SFMBT2: variants seen among roughly 807,000 people sequenced by gnomAD.
SFMBT2 encodes the protein Scm like with four mbt domains 2.
Under a neutral mutation model 110.1 loss-of-function variants are expected in SFMBT2, and 38 were observed. That is an observed-to-expected ratio of 0.35 (90% CI 0.27 to 0.45). The LOEUF is 0.45. Ranked by LOEUF, SFMBT2 falls within the 20% of genes least tolerant of loss-of-function variation. The pLI is 1.00. For synonymous variants in SFMBT2, 425 were observed against 425.4 expected (o/e 1.00, Z 0.01); for missense variants, 1,011 against 1,094.9 (o/e 0.92, Z 1.08).
intron 4 of SFMBT2, among the ~76,000 whole-genome samples, chr10:7,352,036 G>A (rs995258878): frequency 4.6e-5 from 7 of 151,986 alleles, no homozygotes; most frequent in South Asian, 2.1e-4. Flanking sequence ...TTCTGAAGTC[G>A]CTTTTTTCTG....
At position 7,200,317 on chromosome 10, in the gene SFMBT2, T is replaced by C. The variant is rs1588795667; in HGVS notation, c.1558+97A>G. On this transcript the variant is annotated intron_variant, in intron 14 of 20. Coordinates refer to ENST00000397167, the MANE Select transcript of SFMBT2 (RefSeq NM_001387889.1). The stretch of plus-strand genomic sequence containing the variant: ...GGAGAAAAACAGAATAGGCTCAACG[T>C]TGAGATGTATTCATATCGACCTAGA... The C allele has an allele frequency of 9.6e-6, 9 of 939,644 alleles. No homozygotes were observed. In the East Asian group the frequency reaches 2.0e-4, roughly 21 times the overall value. The allele number at this position is 939,644 out of a possible 1,614,324, so 58.2% of individuals were successfully genotyped here.
intron 4 of SFMBT2, among the ~76,000 whole-genome samples, chr10:7,330,359 T>C (rs1843527045): frequency 6.6e-6 from 1 of 152,170 alleles, no homozygotes; most frequent in African/African-American, 2.4e-5. Flanking sequence ...CACAACCCCA[T>C]AACTAATCTG....
At chr10:7,164,171 G>A in intron 20 of SFMBT2, 1 of 950,540 alleles carries the variant, frequency 1.1e-6, no homozygotes. Flanking sequence ...AGGATCGCTT[G>A]AGACCAGGAG....
chr10:7,282,820 A>C (rs1177996578), intron 6 of SFMBT2, among the ~76,000 whole-genome samples: 1 of 152,230 alleles, frequency 6.6e-6, no homozygotes, highest in Non-Finnish European at 1.5e-5. Context: ...GATTTTAATA[A>C]AGCAAAGAGC....
intron 1 of SFMBT2, among the ~76,000 whole-genome samples, chr10:7,392,618 G>A (rs77943453): frequency 0.02 from 3,079 of 152,238 alleles, 54 homozygotes; most frequent in Non-Finnish European, 0.028. Context: ...ATCTGTGATG[G>A]ATTTTTAAGA....
chr10:7,164,798 A>G (rs985890786), intron 20 of SFMBT2, among the ~76,000 whole-genome samples: 5 of 149,032 alleles, frequency 3.4e-5, no homozygotes, highest in Admixed American at 1.3e-4. Context: ...CACACCATTT[A>G]CAGACACACA....
Position 7,171,620 on chromosome 10 carries a change from G to A in SFMBT2, c.2415+275C>T. 1.0e-6 allele frequency: 1 copy of A among 964,164 alleles called. No homozygotes were observed. Among genetic ancestry groups the A allele is most frequent in the African/African-American group, 1.8e-5 (1 of 56,932 alleles). The allele number at this position is 964,164 out of a possible 1,614,324, so 59.7% of individuals were successfully genotyped here. A position where few individuals can be genotyped will look rare whatever the true frequency, so the allele number is the denominator to read the frequency against. Reference sequence around the variant, plus strand: ...AACCCAGACTTCAAAGGAAACTGAGGACTGTGCCCTCCTCCTGACAAGAAC... The same window carrying A: ...AACCCAGACTTCAAAGGAAACTGAGAACTGTGCCCTCCTCCTGACAAGAAC... On this transcript the variant is annotated intron_variant, in intron 19 of 20. Transcript: ENST00000397167. The surrounding 1 kb of genome is among the most constrained non-coding windows in gnomAD (Gnocchi z 4.9).
At chr10:7,295,231 A>G (rs139899444) in intron 4 of SFMBT2, 15 of 152,358 alleles carry the variant, frequency 9.8e-5, no homozygotes, top group African/African-American at 3.4e-4. Flanking sequence ...AACTGAGACA[A>G]AGCTGCAACC....
chr10:7,347,006 A>T (rs1015537475), intron 4 of SFMBT2, among the ~76,000 whole-genome samples: 5 of 151,922 alleles, frequency 3.3e-5, no homozygotes, highest in Non-Finnish European at 7.4e-5. Flanking sequence ...AAACAAAACA[A>T]AACAAAACAA....
At chr10:7,382,342 A>G (rs1443709963) in intron 1 of SFMBT2, among the ~76,000 whole-genome samples, 3 of 152,048 alleles carry the variant, frequency 2.0e-5, no homozygotes, top group African/African-American at 7.2e-5. Context: ...CCTGGGAGGC[A>G]GAGATTGCAG....
rs995740702 is a variant in SFMBT2 at position 7,366,013 on chromosome 10, G to A, written c.436+1636C>T. Among the ~76,000 whole-genome samples the A allele has an allele frequency of 3.9e-5, 6 of 152,288 alleles. No individual in the cohort carries two copies. In the South Asian group the frequency reaches 8.3e-4, roughly 21 times the overall value. Reference sequence around the variant, plus strand: ...AGAAAAGAATAGTACAACTGCAACCGTGATGAACACTGAAGGCGCAGGCAG... The same window carrying A: ...AGAAAAGAATAGTACAACTGCAACCATGATGAACACTGAAGGCGCAGGCAG... On this transcript the variant is annotated intron_variant, in intron 4 of 20. Transcript: ENST00000397167.
At position 7,228,261 on chromosome 10, in the gene SFMBT2, C is replaced by T. The variant is rs1332969227; in HGVS notation, c.1121-324G>A. On this transcript the variant is annotated intron_variant, in intron 9 of 20. Coordinates refer to ENST00000397167, the MANE Select transcript of SFMBT2 (RefSeq NM_001387889.1). ...TATGGCATAAAATACACTCTCACCA[C>T]GCACTGTGCAGAGATAGACAATGAC... is the stretch of plus-strand genomic sequence containing the variant. The T allele has an allele frequency of 2.5e-5, 8 of 319,688 alleles. No homozygotes were observed. In the South Asian group the frequency reaches 5.2e-4, roughly 21 times the overall value. 19.8% of individuals were successfully genotyped at this position (319,688 alleles called of 1,614,324 possible).
rs1420321309 is a variant in SFMBT2, at chr10:7,284,156, T to TA, written c.526-7dup. The TA allele has an allele frequency of 6.2e-7, 1 of 1,607,912 alleles. No individual in the cohort carries two copies. Among genetic ancestry groups the TA allele is most frequent in the Non-Finnish European group, 8.5e-7 (1 of 1,177,774 alleles). The stretch of plus-strand genomic sequence containing the variant: ...GGGCCTTTCCCTCGCAGAGGCTGTT[T>TA]AAACAGAAGCAAAACTCCTTATTTT... On this transcript the variant is annotated splice_polypyrimidine_tract_variant and splice_region_variant and intron_variant, in intron 5 of 20. Coordinates refer to ENST00000397167, the MANE Select transcript of SFMBT2 (RefSeq NM_001387889.1).
intron 10 of SFMBT2, among the ~76,000 whole-genome samples, chr10:7,224,344 T>A (rs1422920742): frequency 6.6e-6 from 1 of 152,130 alleles, no homozygotes; most frequent in Non-Finnish European, 1.5e-5. Context: ...GGAATCACCA[T>A]AAAAACATAG....
intron 15 of SFMBT2, among the ~76,000 whole-genome samples, chr10:7,192,258 G>A (rs1838622888): frequency 6.6e-6 from 1 of 152,202 alleles, no homozygotes; most frequent in African/African-American, 2.4e-5. Flanking sequence ...TCCGAGGACT[G>A]ACTTCGCTGA....
chr10:7,361,274 T>C (rs550472384), intron 4 of SFMBT2, among the ~76,000 whole-genome samples: 2 of 152,366 alleles, frequency 1.3e-5, no homozygotes, highest in South Asian at 4.1e-4. Flanking sequence ...TTAATATTAC[T>C]GAAATGTCAT....
chr10:7,400,020 A>C (rs1175074192), intron 1 of SFMBT2, among the ~76,000 whole-genome samples: 3 of 152,214 alleles, frequency 2.0e-5, no homozygotes, highest in Non-Finnish European at 4.4e-5. Context: ...GTGATGTTTG[A>C]CAAGCCGGAG....
intron 1 of SFMBT2, 54 bp from the exon 2 acceptor site, chr10:7,382,003 T>C (rs561844320): frequency 1.9e-5 from 18 of 929,794 alleles, no homozygotes; most frequent in Middle Eastern, 2.7e-4. Flanking sequence ...ATTGATTATA[T>C]TCACTTATTT....
chr10:7,258,407 T>C (rs903271576), intron 7 of SFMBT2, among the ~76,000 whole-genome samples: 6 of 152,202 alleles, frequency 3.9e-5, no homozygotes, highest in Non-Finnish European at 7.3e-5. Context: ...CCAGTTTTTT[T>C]AAGCAACAAA....
Sources: allele counts gnomAD v4.1 joint callset (sites outside exome capture counted in the v4.1 genomes callset), GRCh38; gene constraint gnomAD v4.1.1; non-coding constraint Gnocchi (gnomAD v3.1); transcripts MANE v1.5; gene names NCBI Gene and HGNC (gene_info 2026-07-23, HGNC 2026-07-21).